The following PAPPA variants were observed in gnomAD, a reference collection of about 807,000 sequenced individuals.
PAPPA encodes the protein pappalysin-1.
A neutral mutation model predicts 164.0 loss-of-function variants in PAPPA; 60 were observed. The observed-to-expected ratio is 0.37, with a 90% CI of 0.30 to 0.45. The LOEUF is 0.45. Ranked by LOEUF, PAPPA falls within the 20% of genes least tolerant of loss-of-function variation. PAPPA has a pLI of 1.00. For synonymous variants in PAPPA, 875 were observed against 814.1 expected (o/e 1.07, Z -1.27); for missense variants, 1,782 against 2,087.3 (o/e 0.85, Z 2.85).
At chr9:116,370,665 A>G (rs1846561189) in intron 19 of PAPPA, among the ~76,000 whole-genome samples, 1 of 152,198 alleles carries the variant, frequency 6.6e-6, no homozygotes, top group South Asian at 2.1e-4. Flanking sequence ...GAGCCTATGC[A>G]AGCCAGCTGT....
intron 13 of PAPPA, among the ~76,000 whole-genome samples, chr9:116,335,603 G>A (rs1846051390): frequency 6.6e-6 from 1 of 152,172 alleles, no homozygotes; most frequent in Non-Finnish European, 1.5e-5. Context: ...CTAAGAGCCT[G>A]TCTTTCAACT....
chr9:116,234,692 C>T (rs1844638398), intron 6 of PAPPA, among the ~76,000 whole-genome samples: 1 of 152,194 alleles, frequency 6.6e-6, no homozygotes, highest in African/African-American at 2.4e-5. Flanking sequence ...CTGGCTTTTA[C>T]ACTTCAAGTT....
At chr9:116,382,209 T>A (rs956994059) in intron 20 of PAPPA, among the ~76,000 whole-genome samples, 186 bp from the exon 21 acceptor site, 5 of 152,026 alleles carry the variant, frequency 3.3e-5, no homozygotes, top group African/African-American at 1.2e-4. Flanking sequence ...GAAAGAAAGA[T>A]AAGAGTCTTT....
intron 9 of PAPPA, among the ~76,000 whole-genome samples, chr9:116,292,502 A>G (rs1019358051): frequency 8.5e-5 from 13 of 152,150 alleles, no homozygotes; most frequent in African/African-American, 3.1e-4. Flanking sequence ...GAGCTGAAAA[A>G]AAGTAGGACA....
At chr9:116,175,166 C>T (rs919749071) in intron 1 of PAPPA, among the ~76,000 whole-genome samples, 1 of 152,072 alleles carries the variant, frequency 6.6e-6, no homozygotes, top group South Asian at 2.1e-4. Flanking sequence ...ATGGAAACAT[C>T]GAGGGCCAGA....
chr9:116,285,167 C>CT (rs1177249949), intron 9 of PAPPA, among the ~76,000 whole-genome samples: 15 of 90,108 alleles, frequency 1.7e-4, no homozygotes, highest in African/African-American at 6.0e-4. Flanking sequence ...TCTTTTCTTT[C>CT]TTTCTTTTTT....
chr9:116,373,014 C>CAA (rs1296675031), intron 19 of PAPPA, among the ~76,000 whole-genome samples: 1 of 152,122 alleles, frequency 6.6e-6, no homozygotes, highest in African/African-American at 2.4e-5. Flanking sequence ...TAAAAATATG[C>CAA]AACACATGCA....
intron 19 of PAPPA, among the ~76,000 whole-genome samples, chr9:116,374,212 GTGC>G (rs1327872860): frequency 6.5e-5 from 3 of 46,270 alleles, no homozygotes; most frequent in Non-Finnish European, 3.1e-4. Context: ...GGTGCCAATG[GTGC>G]TGATGATGAT....
At chr9:116,204,193 C>T (rs1302307382) in intron 2 of PAPPA, among the ~76,000 whole-genome samples, 1 of 152,190 alleles carries the variant, frequency 6.6e-6, no homozygotes, top group Admixed American at 6.5e-5. Flanking sequence ...TACTTGTCCA[C>T]AGATATAGGT....
intron 1 of PAPPA, among the ~76,000 whole-genome samples, chr9:116,184,432 G>C (rs1564176353): frequency 6.6e-6 from 1 of 151,910 alleles, no homozygotes; most frequent in Non-Finnish European, 1.5e-5. Context: ...ATGCCTTCAG[G>C]GTACCCTCTC....
rs184558859 is a variant in PAPPA, at chr9:116,368,849, T to A, written c.4605+1095T>A. The stretch of plus-strand genomic sequence containing the variant: ...TGGATAGCTGGGCAGAACCTGATAC[T>A]GGGTGTACTGTTTCTCAAATGCGCT... On this transcript the variant is annotated intron_variant, in intron 19 of 21. Transcript: ENST00000328252. Among the ~76,000 whole-genome samples the A allele has an allele frequency of 2.2e-3, 328 of 152,234 alleles. 2 individuals carry two copies. Among genetic ancestry groups the A allele is most frequent in the African/African-American group, 7.2e-3 (297 of 41,528 alleles).
intron 19 of PAPPA, among the ~76,000 whole-genome samples, chr9:116,375,590 T>C (rs962193288): frequency 2.6e-5 from 4 of 152,212 alleles, no homozygotes; most frequent in Non-Finnish European, 5.9e-5. Context: ...GCATCCCCTC[T>C]GTCAGGCATT....
At chr9:116,185,224 G>A (rs1843956058) in intron 1 of PAPPA, among the ~76,000 whole-genome samples, 1 of 152,188 alleles carries the variant, frequency 6.6e-6, no homozygotes, top group Admixed American at 6.5e-5. Context: ...GAGGCATTTG[G>A]TGCTTCACTA....
intron 9 of PAPPA, among the ~76,000 whole-genome samples, chr9:116,290,388 C>T (rs1208956802): frequency 6.6e-5 from 10 of 151,540 alleles, no homozygotes; most frequent in African/African-American, 2.4e-4. Context: ...TCATGTTTCC[C>T]CTCTTAACTG....
chr9:116,228,389 G>T (rs114919769), intron 6 of PAPPA, among the ~76,000 whole-genome samples: 1,688 of 152,096 alleles, frequency 0.011, 36 homozygotes, highest in African/African-American at 0.038. Flanking sequence ...GCAGTCACTG[G>T]GTGAGGACAC....
At chr9:116,369,957 G>T (rs1014847359) in intron 19 of PAPPA, among the ~76,000 whole-genome samples, 1 of 152,174 alleles carries the variant, frequency 6.6e-6, no homozygotes, top group Non-Finnish European at 1.5e-5. Flanking sequence ...ATGATTTCCA[G>T]GAATAAGGCA....
chr9:116,169,382 C>A (rs760760867), intron 1 of PAPPA, among the ~76,000 whole-genome samples: 7 of 131,250 alleles, frequency 5.3e-5, no homozygotes, highest in Non-Finnish European at 1.1e-4. Context: ...TGCAGTGGCA[C>A]AATCTTGGCT....
chr9:116,166,665 T>C (rs1328496913), intron 1 of PAPPA, among the ~76,000 whole-genome samples: 1 of 152,218 alleles, frequency 6.6e-6, no homozygotes, highest in African/African-American at 2.4e-5. Context: ...GCACTTACTA[T>C]GTGCTGGCAC....
intron 1 of PAPPA, among the ~76,000 whole-genome samples, chr9:116,181,803 T>C (rs992224866): frequency 1.8e-4 from 27 of 152,226 alleles, no homozygotes; most frequent in African/African-American, 6.3e-4. Context: ...TGGACAAACT[T>C]TGGGTTCTAG....
Sources: gnomAD v4.1 joint callset for allele counts (sites outside exome capture counted in the v4.1 genomes callset) on GRCh38, gnomAD v4.1.1 for gene constraint, MANE v1.5 for transcripts, NCBI Gene and HGNC (gene_info 2026-07-23, HGNC 2026-07-21) for gene names.